NCAPG2: variants seen among roughly 807,000 people sequenced by gnomAD.
NCAPG2 encodes non-SMC condensin II complex subunit G2, also known as condensin-2 complex subunit G2.
A neutral mutation model predicts 141.1 loss-of-function variants in NCAPG2; 53 were observed. The ratio of observed to expected loss-of-function variants is 0.38; its 90% CI spans 0.30 to 0.47. The LOEUF (loss-of-function observed/expected upper bound fraction) is 0.47. Ranked by LOEUF, NCAPG2 falls within the 20% of genes least tolerant of loss-of-function variation. The probability of loss-of-function intolerance (pLI) is 0.99; values close to 1 mark genes in which losing one functional copy is unlikely to be tolerated. For synonymous variants in NCAPG2, 499 were observed against 490.7 expected (o/e 1.02, Z -0.22); for missense variants, 1,087 against 1,389.0 (o/e 0.78, Z 3.46).
chr7:158,690,398 G>C (rs965629261), intron 5 of NCAPG2, among the ~76,000 whole-genome samples, 170 bp downstream of exon 5: 4 of 152,154 alleles, frequency 2.6e-5, no homozygotes, highest in African/African-American at 9.7e-5. Flanking sequence ...TAAAAATAAA[G>C]TCCTAGCTAG....
intron 3 of NCAPG2, 21 bp from the exon 4 acceptor site, chr7:158,692,977 C>A (rs1430339436): frequency 7.1e-7 from 1 of 1,405,682 alleles, no homozygotes; most frequent in Non-Finnish European, 9.8e-7. Flanking sequence ...AAAATCAAAG[C>A]ATGAGTGAAT....
intron 2 of NCAPG2, among the ~76,000 whole-genome samples, chr7:158,694,754 C>A (rs995195491): frequency 6.6e-6 from 1 of 151,964 alleles, no homozygotes; most frequent in Non-Finnish European, 1.5e-5. Flanking sequence ...GCTCTCCTAG[C>A]TCCTCTCCTG....
intron 16 of NCAPG2, among the ~76,000 whole-genome samples, chr7:158,661,712 G>C (rs974559175): frequency 6.6e-6 from 1 of 152,054 alleles, no homozygotes; most frequent in African/African-American, 2.4e-5. Context: ...TACAACTTTT[G>C]TCAATTCAAA....
chr7:158,697,877 T>C (rs1321108551), intron 2 of NCAPG2, among the ~76,000 whole-genome samples: 1 of 152,042 alleles, frequency 6.6e-6, no homozygotes, highest in Non-Finnish European at 1.5e-5. Context: ...CACTTATAAG[T>C]AGGAGCTAAA....
chr7:158,675,336 C>T (rs1028813800), intron 12 of NCAPG2, 141 bp downstream of exon 12: 8 of 944,912 alleles, frequency 8.5e-6, no homozygotes, highest in South Asian at 2.2e-5. Flanking sequence ...TTTTAAAAAC[C>T]TTACTTTGGA....
At chr7:158,636,381 G>A (rs1022460914) in intron 27 of NCAPG2, among the ~76,000 whole-genome samples, 3 of 151,340 alleles carry the variant, frequency 2.0e-5, no homozygotes, top group African/African-American at 7.3e-5. Flanking sequence ...AGCCTTCCTT[G>A]GCAACATTAT....
intron 3 of NCAPG2, 74 bp from the exon 4 acceptor site, chr7:158,693,030 T>C: frequency 9.2e-7 from 1 of 1,088,836 alleles, no homozygotes; most frequent in Non-Finnish European, 1.3e-6. Flanking sequence ...GAAATTTCAG[T>C]TACAAATTTT....
chr7:158,631,766 TTATCCAAATGTA>T, intron 27 of NCAPG2, 49 bp from the exon 28 acceptor site: 1 of 1,407,636 alleles, frequency 7.1e-7, no homozygotes, highest in East Asian at 2.3e-5. Context: ...AGTGACCAAA[TTATCCAAATGTA>T]CATTTTCAAA....
At chr7:158,702,918 A>G (rs1835900167) in intron 1 of NCAPG2, among the ~76,000 whole-genome samples, 1 of 152,262 alleles carries the variant, frequency 6.6e-6, no homozygotes, top group Non-Finnish European at 1.5e-5. Flanking sequence ...ATTTCAGTCA[A>G]CAACAGACCA....
chr7:158,655,481 A>C, intron 19 of NCAPG2, 26 bp from the exon 20 acceptor site: 1 of 1,579,706 alleles, frequency 6.3e-7, no homozygotes, highest in South Asian at 1.1e-5. Flanking sequence ...CCCAAGGGCC[A>C]CATGCTGACT....
intron 17 of NCAPG2, 119 bp downstream of exon 17, chr7:158,658,219 G>C: frequency 1.2e-6 from 1 of 817,288 alleles, no homozygotes; most frequent in Non-Finnish European, 1.8e-6. Flanking sequence ...AGGGCAGAAG[G>C]AAGAGGCCAC....
At chr7:158,670,830 C>T (rs1259048804) in intron 13 of NCAPG2, among the ~76,000 whole-genome samples, 1 of 152,064 alleles carries the variant, frequency 6.6e-6, no homozygotes, top group African/African-American at 2.4e-5. Context: ...TACACTCTGG[C>T]GTTATCAGTC....
rs1831998836 is a variant in NCAPG2 at position 158,656,639 on chromosome 7, C to G, written c.2127G>C (p.Leu709Phe). ...GCCCCCAGGAGCAGAGGCAATCCAA[C>G]AAAGTGCAGTAGCTCTTGTCCACAG... Reference protein sequence around the residue: ...EGAVDKSYCTLLDCLCSWGQV... With the variant: ...EGAVDKSYCTFLDCLCSWGQV... The change falls in exon 18 of 28, where the codon TTG (leucine) becomes TTC (phenylalanine). Residue 709 changes from leucine (L) to phenylalanine (F), a missense_variant. Leu to Phe is a conservative substitution (Grantham distance 22). Coordinates refer to ENST00000356309, the MANE Select transcript of NCAPG2 (RefSeq NM_017760.7). 1.2e-6 allele frequency: 2 copies of G among 1,614,168 alleles called. No individual in the cohort carries two copies. The highest frequency in any genetic ancestry group is 1.7e-6 in the Non-Finnish European group (2 of 1,180,042).
chr7:158,660,401 C>CTTTTTTTTTTTTTTTTTTTTTTT lies in NCAPG2; in HGVS notation c.1989+1770_1989+1792dup, dbSNP rs945928092. Reference sequence around the variant, plus strand: ...AGTCCCAGGTCATTATTTCAGCTTTCTTTTTTTTTTTTTTTTTTTTTTTTT... The same window carrying CTTTTTTTTTTTTTTTTTTTTTTT: ...AGTCCCAGGTCATTATTTCAGCTTTCTTTTTTTTTTTTTTTTTTTTTTTTTTTTTTTTTTTTTTTTTTTTTTTT... On this transcript the variant is annotated intron_variant, in intron 16 of 27. Transcript: ENST00000356309. Among the ~76,000 whole-genome samples, 17 of 72,810 alleles carry CTTTTTTTTTTTTTTTTTTTTTTT rather than the reference C, an allele frequency of 2.3e-4. 1 individual carries two copies. Among genetic ancestry groups the CTTTTTTTTTTTTTTTTTTTTTTT allele is most frequent in the East Asian group, 6.6e-4 (1 of 1,524 alleles). The allele number at this position is 72,810 out of a possible 152,430, so 47.8% of individuals were successfully genotyped here.
chr7:158,662,647 G>A (rs1832602513), intron 15 of NCAPG2, among the ~76,000 whole-genome samples: 1 of 152,176 alleles, frequency 6.6e-6, no homozygotes, highest in African/African-American at 2.4e-5. Context: ...GTCTCCATCT[G>A]GGAACATAAC....
In NCAPG2 at chr7:158,654,707, G is replaced by C; in HGVS notation, c.2647-13C>G. 1.9e-6 allele frequency: 3 copies of C among 1,608,416 alleles called. No individual in the cohort carries two copies. The highest frequency in any genetic ancestry group is 2.5e-6 in the Non-Finnish European group (3 of 1,178,048). On this transcript the variant is annotated splice_polypyrimidine_tract_variant and intron_variant, in intron 21 of 27. Transcript: ENST00000356309. ...CAGTCAGGTAGGTCTGTAAGAGACAGACACAGCTTAGCAACAAAGGCCATT... is the reference window on the plus strand; with the variant it reads ...CAGTCAGGTAGGTCTGTAAGAGACACACACAGCTTAGCAACAAAGGCCATT...
intron 9 of NCAPG2, among the ~76,000 whole-genome samples, chr7:158,681,698 G>T (rs1721698304): frequency 6.6e-6 from 1 of 152,088 alleles, no homozygotes; most frequent in Admixed American, 6.6e-5. Context: ...ATCAAACTTT[G>T]ATATCAACAG....
intron 24 of NCAPG2, among the ~76,000 whole-genome samples, 184 bp downstream of exon 24, chr7:158,650,648 C>T (rs188043237): frequency 1.5e-3 from 223 of 152,274 alleles, no homozygotes; most frequent in South Asian, 0.013. Flanking sequence ...ACAATAGTCA[C>T]GAGTCTAAAA....
intron 1 of NCAPG2, among the ~76,000 whole-genome samples, chr7:158,702,913 A>C (rs2129469927): frequency 6.6e-6 from 1 of 152,356 alleles, no homozygotes; most frequent in South Asian, 2.1e-4. Context: ...ATAACATTTC[A>C]GTCAACAACA....
Sources: gnomAD v4.1 joint callset for allele counts (sites outside exome capture counted in the v4.1 genomes callset) on GRCh38, gnomAD v4.1.1 for gene constraint, MANE v1.5 for transcripts, NCBI Gene and HGNC (gene_info 2026-07-23, HGNC 2026-07-21) for gene names.